Variants in NALF1 observed in about 807,000 individuals in gnomAD.
The protein encoded by NALF1 is family with sequence similarity 155 member A.
A neutral mutation model predicts 48.4 loss-of-function variants in NALF1; 3 were observed. The ratio of observed to expected loss-of-function variants is 0.06; its 90% confidence interval spans 0.03 to 0.16. NALF1 has a LOEUF of 0.16. Ranked by LOEUF, NALF1 falls within the 10% of genes least tolerant of loss-of-function variation. The probability of loss-of-function intolerance (pLI) is 1.00; values close to 1 mark genes in which losing one functional copy is unlikely to be tolerated. For synonymous variants in NALF1, 262 were observed against 245.7 expected (o/e 1.07, Z -0.62); for missense variants, 526 against 571.5 (o/e 0.92, Z 0.81).
At chr13:107,242,252 C>T (rs773752188) in intron 1 of NALF1, among the ~76,000 whole-genome samples, 5 of 152,216 alleles carry the variant, frequency 3.3e-5, no homozygotes, top group Non-Finnish European at 5.9e-5. Flanking sequence ...CCTCCTCTCC[C>T]GTTTCCACCC....
At chr13:107,633,037 A>C (rs911853308) in intron 1 of NALF1, among the ~76,000 whole-genome samples, 2 of 152,060 alleles carry the variant, frequency 1.3e-5, no homozygotes, top group Non-Finnish European at 2.9e-5. Context: ...GAAAGAGAGA[A>C]TAGTTGGTCT....
At chr13:107,411,036 T>C (rs1883980896) in intron 1 of NALF1, among the ~76,000 whole-genome samples, 1 of 152,078 alleles carries the variant, frequency 6.6e-6, no homozygotes. Context: ...GTCATCCAAT[T>C]TGTTTAGGCT....
chr13:107,388,018 T>C (rs1458564751), intron 1 of NALF1, among the ~76,000 whole-genome samples: 2 of 152,196 alleles, frequency 1.3e-5, no homozygotes, highest in African/African-American at 4.8e-5. Flanking sequence ...CCTCCCTGAG[T>C]GAATGTTTGT....
chr13:107,282,027 A>G (rs1022875), intron 1 of NALF1, among the ~76,000 whole-genome samples: 67,043 of 151,986 alleles, frequency 0.44, 16,857 homozygotes, highest in South Asian at 0.68. Flanking sequence ...CATATCATTG[A>G]CCCAGAAAGC....
chr13:107,633,880 G>A (rs1029485219), intron 1 of NALF1, among the ~76,000 whole-genome samples: 5 of 142,388 alleles, frequency 3.5e-5, no homozygotes, highest in East Asian at 4.0e-4. Flanking sequence ...ATGTGTGTGT[G>A]TATATATATA....
intron 1 of NALF1, among the ~76,000 whole-genome samples, chr13:107,270,062 G>A (rs190127865): frequency 7.9e-4 from 120 of 151,506 alleles, no homozygotes; most frequent in African/African-American, 2.7e-3. Flanking sequence ...GAGCCACCGC[G>A]CCTGGCCAGA....
At chr13:107,728,090 G>A (rs1876209275) in intron 1 of NALF1, among the ~76,000 whole-genome samples, 2 of 152,190 alleles carry the variant, frequency 1.3e-5, no homozygotes, top group African/African-American at 2.4e-5. Flanking sequence ...GTTGGTGGGA[G>A]TGTAAATTAG....
At chr13:107,194,008 T>TTATCTATCTATC (rs71772534) in intron 2 of NALF1, among the ~76,000 whole-genome samples, 7 of 138,992 alleles carry the variant, frequency 5.0e-5, no homozygotes, top group Admixed American at 7.2e-5. Context: ...CCTATCTATC[T>TTATCTATCTATC]TATCTATCTA....
chr13:107,233,447 A>G (rs1880269647), intron 1 of NALF1, among the ~76,000 whole-genome samples: 1 of 152,212 alleles, frequency 6.6e-6, no homozygotes, highest in South Asian at 2.1e-4. Context: ...GCCATTTAGT[A>G]GAATGTATGA....
In NALF1 at chr13:107,281,456, A is replaced by G. The variant is rs114030361; in HGVS notation, c.916-70701T>C. Among the ~76,000 whole-genome samples, 151 of 152,314 alleles carry G rather than the reference A, an allele frequency of 9.9e-4. 1 individual carries two copies. The highest frequency in any genetic ancestry group is 3.3e-3 in the African/African-American group (139 of 41,576). The stretch of plus-strand genomic sequence containing the variant: ...AGGAGAGCAAACAAAATGAGAAAAG[A>G]CATAGAGGACATTCCAGAGTGTGAT... On this transcript the variant is annotated intron_variant, in intron 1 of 2. Transcript: ENST00000375915.
At position 107,325,887 on chromosome 13, in the gene NALF1, T is replaced by TACACACACAC. The variant is rs1555332567; in HGVS notation, c.916-115142_916-115133dup. ...ATATATATATATATATATATATATA[T>TACACACACAC]ACACACACACACACACACACATATA... On this transcript the variant is annotated intron_variant, in intron 1 of 2. Transcript: ENST00000375915. Among the ~76,000 whole-genome samples, 26 of 58,906 alleles carry TACACACACAC rather than the reference T, an allele frequency of 4.4e-4. No individual in the cohort carries two copies. In the East Asian group the frequency reaches 4.7e-3, roughly 11 times the overall value. 38.6% of individuals were successfully genotyped at this position (58,906 alleles called of 152,430 possible).
intron 1 of NALF1, among the ~76,000 whole-genome samples, chr13:107,779,992 T>C (rs1252746413): frequency 6.6e-6 from 1 of 152,048 alleles, no homozygotes; most frequent in Non-Finnish European, 1.5e-5. Flanking sequence ...TTCATACAAA[T>C]GTACTCTTAT....
chr13:107,717,675 G>GA (rs1356287365), intron 1 of NALF1, among the ~76,000 whole-genome samples: 1 of 151,918 alleles, frequency 6.6e-6, no homozygotes, highest in Admixed American at 6.5e-5. Flanking sequence ...AAACGAAAAG[G>GA]AAAAAAAGGA....
intron 1 of NALF1, among the ~76,000 whole-genome samples, chr13:107,565,115 A>C (rs569335474): frequency 5.2e-4 from 78 of 151,056 alleles, no homozygotes; most frequent in Non-Finnish European, 9.6e-4. Flanking sequence ...AAAAAAAAAA[A>C]CAGACATAAA....
At chr13:107,410,488 A>G (rs1883971977) in intron 1 of NALF1, among the ~76,000 whole-genome samples, 1 of 152,200 alleles carries the variant, frequency 6.6e-6, no homozygotes, top group South Asian at 2.1e-4. Flanking sequence ...ATGCAGGCAT[A>G]AATTGTTATT....
chr13:107,819,634 C>G (rs1879295717), intron 1 of NALF1, among the ~76,000 whole-genome samples: 1 of 151,706 alleles, frequency 6.6e-6, no homozygotes, highest in Non-Finnish European at 1.5e-5. Flanking sequence ...ATTAATTGTG[C>G]TCTGCCACTA....
rs571798774 is a variant in NALF1, at chr13:107,559,188, G to A, written c.915+306494C>T. On this transcript the variant is annotated intron_variant, in intron 1 of 2. Coordinates refer to ENST00000375915, the MANE Select transcript of NALF1 (RefSeq NM_001080396.3). ...GAGGAGACGCCATGCTAAAAACTCA[G>A]CCAGTGTTATTAAAGAAGGGGTAGT... 8.5e-5 allele frequency among the ~76,000 whole-genome samples: 13 copies of A among 152,260 alleles called. No individual in the cohort carries two copies. The South Asian group carries it at 2.5e-3, about 29-fold the overall frequency.
intron 1 of NALF1, among the ~76,000 whole-genome samples, chr13:107,710,786 T>TAC (rs1161808266): frequency 5.6e-5 from 8 of 141,780 alleles, no homozygotes; most frequent in Non-Finnish European, 1.1e-4. Context: ...TGTGTGTATA[T>TAC]ACACATATAT....
intron 1 of NALF1, among the ~76,000 whole-genome samples, chr13:107,375,098 TG>T (rs1397148843): frequency 2.0e-5 from 3 of 152,218 alleles, no homozygotes; most frequent in Non-Finnish European, 4.4e-5. Context: ...TAAATTCAGT[TG>T]CATTAATTTG....
Sources: allele counts gnomAD v4.1 joint callset (sites outside exome capture counted in the v4.1 genomes callset), GRCh38; gene constraint gnomAD v4.1.1; transcripts MANE v1.5; gene names NCBI Gene and HGNC (gene_info 2026-07-23, HGNC 2026-07-21).